The following COL23A1 variants were observed in gnomAD, a reference collection of about 807,000 sequenced individuals.
The protein encoded by COL23A1 is collagen alpha-1(XXIII) chain.
In COL23A1, 97 loss-of-function variants were observed where a neutral mutation model predicts 99.3. The ratio of observed to expected loss-of-function variants is 0.98; its 90% CI spans 0.83 to 1.16. The LOEUF is 1.16. Ranked by LOEUF, COL23A1 falls within the 50% of genes most tolerant of loss-of-function variation. COL23A1 has a pLI of 0.00. For synonymous variants in COL23A1, 320 were observed against 308.2 expected (o/e 1.04, Z -0.40); for missense variants, 762 against 757.4 (o/e 1.01, Z -0.07).
At chr5:178,474,572 C>T (rs1756929464) in intron 2 of COL23A1, among the ~76,000 whole-genome samples, 1 of 152,062 alleles carries the variant, frequency 6.6e-6, no homozygotes, top group Non-Finnish European at 1.5e-5. Context: ...TGTCGTATTT[C>T]TTTCTTAACC....
chr5:178,533,599 G>A (rs1279763708), intron 2 of COL23A1, among the ~76,000 whole-genome samples: 1 of 152,158 alleles, frequency 6.6e-6, no homozygotes, highest in Non-Finnish European at 1.5e-5. Context: ...CCAGGTTCAA[G>A]TGATTCTCCT....
At chr5:178,341,341 G>A (rs138180321) in intron 2 of COL23A1, among the ~76,000 whole-genome samples, 1 of 152,286 alleles carries the variant, frequency 6.6e-6, no homozygotes, top group Non-Finnish European at 1.5e-5. Flanking sequence ...ACCCAAGATA[G>A]GTCGGTCAAC....
chr5:178,431,642 A>T (rs1380438091), intron 2 of COL23A1, among the ~76,000 whole-genome samples: 1 of 152,240 alleles, frequency 6.6e-6, no homozygotes, highest in Non-Finnish European at 1.5e-5. Flanking sequence ...AGCGGCCAGG[A>T]GCTGAAGAGG....
At chr5:178,524,425 G>A (rs1340981224) in intron 2 of COL23A1, among the ~76,000 whole-genome samples, 2 of 152,208 alleles carry the variant, frequency 1.3e-5, no homozygotes, top group East Asian at 1.9e-4. Context: ...TGGTGGTGGG[G>A]TCAGCCCATC....
In COL23A1 at chr5:178,575,970, T is replaced by C. The variant is rs117416126; in HGVS notation, c.294+13934A>G. On this transcript the variant is annotated intron_variant, in intron 1 of 28. Coordinates refer to ENST00000390654, the MANE Select transcript of COL23A1 (RefSeq NM_173465.4). ...CAAGTCAATCCATTGATTCCTCTAG[T>C]AGCGATGGATAAAAACCCAACTCAA... 5.9e-5 allele frequency among the ~76,000 whole-genome samples: 9 copies of C among 152,286 alleles called. No individual in the cohort carries two copies. In the East Asian group the frequency reaches 1.7e-3, roughly 29 times the overall value.
chr5:178,473,461 ATTTTTT>A (rs58255875), intron 2 of COL23A1, among the ~76,000 whole-genome samples: 3 of 95,092 alleles, frequency 3.2e-5, no homozygotes, highest in African/African-American at 1.2e-4. Context: ...CATCCGGCTA[ATTTTTT>A]TTTTTTTTTT....
intron 1 of COL23A1, among the ~76,000 whole-genome samples, chr5:178,582,157 T>C (rs1484762485): frequency 2.3e-5 from 3 of 131,728 alleles, no homozygotes; most frequent in Non-Finnish European, 4.6e-5. Flanking sequence ...CAGTGAGCTA[T>C]GATCACACGA....
intron 2 of COL23A1, among the ~76,000 whole-genome samples, chr5:178,453,816 C>T (rs1026322424): frequency 1.3e-5 from 2 of 152,142 alleles, no homozygotes; most frequent in African/African-American, 4.8e-5. Flanking sequence ...CAGTCTGTCT[C>T]ACTTCTCACC....
chr5:178,283,026 A>G (rs1157943129), intron 5 of COL23A1, among the ~76,000 whole-genome samples: 7 of 152,054 alleles, frequency 4.6e-5, no homozygotes, highest in African/African-American at 1.7e-4. Context: ...ATGTACCACC[A>G]CACCTGGCTA....
chr5:178,363,536 C>G (rs1348707316), intron 2 of COL23A1, among the ~76,000 whole-genome samples: 1 of 152,230 alleles, frequency 6.6e-6, no homozygotes, highest in African/African-American at 2.4e-5. Context: ...CAGCCAGACT[C>G]TGGTCCCAAA....
rs184245612 is a variant in COL23A1 at position 178,344,863 on chromosome 5, T to C, written c.362-37944A>G. The C allele has an allele frequency of 6.6e-6, 5 of 753,418 alleles. No homozygotes were observed. In the Admixed American group the frequency reaches 7.4e-5, roughly 11 times the overall value. 46.7% of individuals were successfully genotyped at this position (753,418 alleles called of 1,614,324 possible). A position where few individuals can be genotyped will look rare whatever the true frequency, so the allele number is the denominator to read the frequency against. ...TGAAGATGGCGGGGCGATCTGTGTCTGGCATTACCAGAAGAGTCTTCATGT... is the reference window on the plus strand; with the variant it reads ...TGAAGATGGCGGGGCGATCTGTGTCCGGCATTACCAGAAGAGTCTTCATGT... On this transcript the variant is annotated intron_variant, in intron 2 of 28. Coordinates refer to ENST00000390654, the MANE Select transcript of COL23A1 (RefSeq NM_173465.4).
chr5:178,505,174 T>C (rs891288609), intron 2 of COL23A1, among the ~76,000 whole-genome samples: 15 of 152,174 alleles, frequency 9.9e-5, no homozygotes, highest in African/African-American at 3.1e-4. Context: ...GTTCCTTGAC[T>C]TGTAAGTGGC....
At chr5:178,272,105 A>G (rs1756323875) in intron 5 of COL23A1, among the ~76,000 whole-genome samples, 1 of 152,004 alleles carries the variant, frequency 6.6e-6, no homozygotes, top group African/African-American at 2.4e-5. Flanking sequence ...CTTCCTTTCC[A>G]TCCTCATCCC....
intron 1 of COL23A1, among the ~76,000 whole-genome samples, chr5:178,567,903 T>C (rs1338825185): frequency 6.6e-6 from 1 of 152,234 alleles, no homozygotes; most frequent in African/African-American, 2.4e-5. Flanking sequence ...ATGTAAATAC[T>C]TCCCTCTTCC....
rs1289806848 is a variant in COL23A1, at chr5:178,315,790, CAAAT to C, written c.362-8875_362-8872del. Reference sequence around the variant, plus strand: ...TTTTTTTTTTTTTTTTTTTTCAAGACAAATAATCTTTTATTCATAGTCATGGTAT... The same window carrying C: ...TTTTTTTTTTTTTTTTTTTTCAAGACAATCTTTTATTCATAGTCATGGTAT... On this transcript the variant is annotated intron_variant, in intron 2 of 28. Coordinates refer to ENST00000390654, the MANE Select transcript of COL23A1 (RefSeq NM_173465.4). Among the ~76,000 whole-genome samples the C allele has an allele frequency of 4.0e-5, 4 of 99,234 alleles. No individual in the cohort carries two copies. The East Asian group carries it at 1.6e-3, about 39-fold the overall frequency. 65.1% of individuals were successfully genotyped at this position (99,234 alleles called of 152,430 possible).
intron 2 of COL23A1, among the ~76,000 whole-genome samples, chr5:178,539,007 G>C (rs1403669304): frequency 6.6e-6 from 1 of 152,226 alleles, no homozygotes; most frequent in Non-Finnish European, 1.5e-5. Context: ...CCATTTCCAT[G>C]AGATGTCCGG....
intron 2 of COL23A1, among the ~76,000 whole-genome samples, chr5:178,402,404 C>T (rs1034142067): frequency 4.6e-5 from 7 of 151,570 alleles, no homozygotes; most frequent in African/African-American, 7.3e-5. Flanking sequence ...CTGGTGGCTC[C>T]CAGAGTCTAG....
chr5:178,269,591 A>ACTCCATCC (rs1554129137), intron 6 of COL23A1, among the ~76,000 whole-genome samples: 1 of 90,702 alleles, frequency 1.1e-5, no homozygotes, highest in Non-Finnish European at 2.0e-5. Flanking sequence ...CTCATCCATC[A>ACTCCATCC]ATCCATCCAT....
At chr5:178,359,332 T>C (rs1561899829) in intron 2 of COL23A1, among the ~76,000 whole-genome samples, 2 of 152,202 alleles carry the variant, frequency 1.3e-5, no homozygotes, top group South Asian at 2.1e-4. Flanking sequence ...GAGACCAGCC[T>C]GGCCAACAAT....
Sources: allele counts gnomAD v4.1 joint callset (sites outside exome capture counted in the v4.1 genomes callset), GRCh38; gene constraint gnomAD v4.1.1; transcripts MANE v1.5; gene names NCBI Gene and HGNC (gene_info 2026-07-23, HGNC 2026-07-21).